Variants in MYH4 observed in about 807,000 individuals in gnomAD.
MYH4 encodes myosin heavy chain 4, also known as myosin-4.
In MYH4, 200 loss-of-function variants were observed where a neutral mutation model predicts 229.9. The ratio of observed to expected loss-of-function variants is 0.87; its 90% CI spans 0.78 to 0.98. The LOEUF (loss-of-function observed/expected upper bound fraction) is 0.98, where lower values mean the gene tolerates loss of function less well. Ranked by LOEUF, MYH4 falls within the 50% of genes least tolerant of loss-of-function variation. The pLI, the probability that MYH4 is intolerant of heterozygous loss-of-function variation, is 0.00. For missense variants in MYH4, 2,148 were observed against 2,332.6 expected (o/e 0.92, Z 1.63); for synonymous variants, 761 against 834.6 (o/e 0.91, Z 1.52).
rs540287516 is a variant in MYH4 at position 10,466,471 on chromosome 17, G to A, written c.205-55C>T. 8.4e-5 allele frequency: 135 copies of A among 1,612,164 alleles called. 1 individual carries two copies. In the African/African-American group the frequency reaches 1.6e-3, roughly 19 times the overall value. On this transcript the variant is annotated intron_variant, in intron 3 of 39. Transcript: ENST00000255381. ...TCAAATAAGTAGCAGAAAAAGCCAG[G>A]TCAAAAAAATATCACCTAAATTAAC...
intron 22 of MYH4, among the ~76,000 whole-genome samples, chr17:10,454,325 A>T (rs146060500): frequency 6.6e-6 from 1 of 152,230 alleles, no homozygotes; most frequent in Non-Finnish European, 1.5e-5. Context: ...AATAAAGGAA[A>T]ATGTCTATTG....
chr17:10,452,769 G>A lies in MYH4; in HGVS notation c.3257+18C>T. Reference sequence around the variant, plus strand: ...GACATACAACAAGCAGGTTATAGCTGAATTATACCATACTTACTTTTTGAG... The same window carrying A: ...GACATACAACAAGCAGGTTATAGCTAAATTATACCATACTTACTTTTTGAG... On this transcript the variant is annotated intron_variant, in intron 25 of 39. Transcript: ENST00000255381. 1.9e-6 allele frequency: 3 copies of A among 1,592,126 alleles called. No individual in the cohort carries two copies. The highest frequency in any genetic ancestry group is 2.6e-6 in the Non-Finnish European group (3 of 1,173,926).
At chr17:10,457,362 T>C (rs549911679) in intron 16 of MYH4, 58 bp downstream of exon 16, 185 of 1,515,772 alleles carry the variant, frequency 1.2e-4, no homozygotes, top group Non-Finnish European at 1.6e-4. Flanking sequence ...TTGTCTCTGT[T>C]GAACAGTGTA....
chr17:10,452,416 CT>C lies in MYH4; in HGVS notation c.3347del (p.Gln1116ArgfsTer52). 1 of 1,614,084 alleles carries C rather than the reference CT, an allele frequency of 6.2e-7. No individual in the cohort carries two copies. Among genetic ancestry groups the C allele is most frequent in the Non-Finnish European group, 8.5e-7 (1 of 1,179,984 alleles). ...AGAAAAGGTGGAGGTTATAACTTAC[CT>C]GTAATTCTTTGATCTTCTTTTGTAG... The part of the protein sequence containing the change: ...IQLQKKIKEL[Q>X]ARIEELEEEI... On this transcript the variant is annotated frameshift_variant and splice_region_variant, in exon 26 of 40. Transcript: ENST00000255381. LOFTEE classifies it high-confidence loss of function.
At chr17:10,450,683 A>G (rs1485173306) in intron 29 of MYH4, 34 bp from the exon 30 acceptor site, 2 of 1,611,922 alleles carry the variant, frequency 1.2e-6, no homozygotes, top group Non-Finnish European at 1.7e-6. Flanking sequence ...ATATAAGTTT[A>G]TCTTCTGATC....
chr17:10,459,104 C>G, intron 15 of MYH4, 147 bp downstream of exon 15: 1 of 1,332,230 alleles, frequency 7.5e-7, no homozygotes, highest in Non-Finnish European at 1.0e-6. Context: ...TAACAGATCA[C>G]TTGGAACATA....
At chr17:10,461,148 C>T in intron 11 of MYH4, 94 bp from the exon 12 acceptor site, 1 of 1,417,982 alleles carries the variant, frequency 7.1e-7, no homozygotes. Context: ...TCTCATCACG[C>T]CTTGCCTTAT....
rs148235877 is a variant in MYH4 at position 10,455,688 on chromosome 17, G to A, written c.2100C>T (p.Asn700=). 217 of 1,614,134 alleles carry A rather than the reference G, an allele frequency of 1.3e-4. No homozygotes were observed. Among genetic ancestry groups the A allele is most frequent in the African/African-American group, 9.1e-4 (68 of 75,028 alleles). ...AGATGCGGATGCCTTCCAGCACACCGTTACACCTCAGCTGATGCAGGACAA... is the reference window on the plus strand; with the variant it reads ...AGATGCGGATGCCTTCCAGCACACCATTACACCTCAGCTGATGCAGGACAA... ...HELVLHQLRC[N]GVLEGIRICR... Residue 700 remains asparagine, a synonymous_variant, in exon 19 of 40, where the codon AAC becomes AAT. Transcript: ENST00000255381.
rs897350340 is a variant in MYH4 at position 10,453,410 on chromosome 17, T to A, written c.2935-82A>T. On this transcript the variant is annotated intron_variant, in intron 23 of 39. Coordinates refer to ENST00000255381, the MANE Select transcript of MYH4 (RefSeq NM_017533.2). ...AACATGATGCTGTAGTATCTTAGGA[T>A]AATGTCAGCGTAAGATGGAAAATGA... is the stretch of plus-strand genomic sequence containing the variant. The A allele has an allele frequency of 5.0e-6, 8 of 1,603,080 alleles. No homozygotes were observed. In the African/African-American group the frequency reaches 9.4e-5, roughly 19 times the overall value.
rs749234025 is a variant in MYH4, at chr17:10,466,737, A to G, written c.9T>C (p.Ser3=). 3.7e-6 allele frequency: 6 copies of G among 1,614,130 alleles called. No homozygotes were observed. The highest frequency in any genetic ancestry group is 2.7e-5 in the African/African-American group (2 of 74,944). Residue 3 remains serine (S), a synonymous_variant, in exon 3 of 40, where the codon TCT becomes TCC. Coordinates refer to ENST00000255381, the MANE Select transcript of MYH4 (RefSeq NM_017533.2). MS[S]DSEMAIFGEA... ...CCCCAAAAATGGCCATCTCAGAGTC[A>G]GAACTCATGGCTGCAGGTTATTGAT...
rs112652869 is a variant in MYH4 at position 10,452,103 on chromosome 17, C to T, written c.3576G>A (p.Thr1192=). The T allele has an allele frequency of 1.0e-3, 1,610 of 1,613,998 alleles. 7 individuals are homozygous for T. Among genetic ancestry groups the T allele is most frequent in the Non-Finnish European group, 1.2e-3 (1,456 of 1,179,960 alleles). Reference sequence around the variant, plus strand: ...CGTGCTTCTTCCGAAGAGCAGCTGCCGTGGCTTCGTGCTGCAGGGTGGACT... The same window carrying T: ...CGTGCTTCTTCCGAAGAGCAGCTGCTGTGGCTTCGTGCTGCAGGGTGGACT... The part of the protein sequence containing the change: ...LEESTLQHEA[T]AAALRKKHAD... The change falls in exon 27 of 40, where the codon ACG becomes ACA. Residue 1192 remains threonine (T), a synonymous_variant. Coordinates refer to ENST00000255381, the MANE Select transcript of MYH4 (RefSeq NM_017533.2).
intron 5 of MYH4, 94 bp from the exon 6 acceptor site, chr17:10,464,802 TCC>T: frequency 8.1e-7 from 1 of 1,228,962 alleles, no homozygotes; most frequent in Non-Finnish European, 1.1e-6. Context: ...CTTTTAAAAC[TCC>T]CCATTTGCAA....
At chr17:10,457,814 T>G in intron 15 of MYH4, 85 bp from the exon 16 acceptor site, 2 of 1,477,496 alleles carry the variant, frequency 1.4e-6, no homozygotes, top group Non-Finnish European at 1.8e-6. Flanking sequence ...GAAAATACAA[T>G]GTTTCAAAAG....
At chr17:10,444,497 T>G (rs964828544) in intron 39 of MYH4, 107 bp downstream of exon 39, 1 of 759,796 alleles carries the variant, frequency 1.3e-6, no homozygotes, top group Non-Finnish European at 2.2e-6. Flanking sequence ...TCATACCTAA[T>G]TATGTATTCC....
intron 9 of MYH4, 37 bp downstream of exon 9, chr17:10,463,300 AG>A: frequency 6.4e-7 from 1 of 1,572,024 alleles, no homozygotes; most frequent in Non-Finnish European, 8.7e-7. Flanking sequence ...GTACCCACAA[AG>A]AAAAAGATTC....
At chr17:10,456,442 T>G in intron 17 of MYH4, 43 bp downstream of exon 17, 1 of 1,519,806 alleles carries the variant, frequency 6.6e-7, no homozygotes. Context: ...TGGTTTAGTT[T>G]TTTAATGAAA....
chr17:10,466,389 A>C lies in MYH4; in HGVS notation c.232T>G (p.Phe78Val). 6.2e-7 allele frequency: 1 copy of C among 1,614,188 alleles called. No homozygotes were observed. Among genetic ancestry groups the C allele is most frequent in the Non-Finnish European group, 8.5e-7 (1 of 1,180,030 alleles). The change falls in exon 4 of 40, where the codon TTC becomes GTC. Residue 78 changes from phenylalanine to valine, a missense_variant. By Grantham distance (50) the Phe-to-Val change is conservative (BLOSUM62 -1). Coordinates refer to ENST00000255381, the MANE Select transcript of MYH4 (RefSeq NM_017533.2). ...TCATATTTGGGAGGGTTCATGGAGAAGACTTGGTCTTCTTTCACAGTTACA... is the reference window on the plus strand; with the variant it reads ...TCATATTTGGGAGGGTTCATGGAGACGACTTGGTCTTCTTTCACAGTTACA... ...ATVTVKEDQV[F>V]SMNPPKYDKI... is the part of the protein sequence containing the mutation.
At chr17:10,451,021 G>A in intron 28 of MYH4, 126 bp from the exon 29 acceptor site, 1 of 873,672 alleles carries the variant, frequency 1.1e-6, no homozygotes, top group South Asian at 1.7e-5. Context: ...TTTCAGTGAT[G>A]TTGAGAAGGT....
intron 20 of MYH4, 23 bp downstream of exon 20, chr17:10,455,149 A>G: frequency 6.2e-7 from 1 of 1,614,140 alleles, no homozygotes; most frequent in Non-Finnish European, 8.5e-7. Context: ...ATTATGACAG[A>G]TAGAAATTTG....
Sources: allele counts gnomAD v4.1 joint callset (sites outside exome capture counted in the v4.1 genomes callset), GRCh38; gene constraint gnomAD v4.1.1; transcripts MANE v1.5; gene names NCBI Gene and HGNC (gene_info 2026-07-23, HGNC 2026-07-21).